The following ZNF561 variants were observed in gnomAD, a reference collection of about 807,000 sequenced individuals.
ZNF561 encodes zinc finger protein 561.
Under a neutral mutation model 16.7 loss-of-function variants are expected in ZNF561, and 16 were observed. The observed-to-expected ratio is 0.96, with a 90% CI of 0.65 to 1.45. The LOEUF is 1.45. ZNF561 is among the 40% of genes most tolerant of loss of function. ZNF561 has a pLI of 0.00. For synonymous variants in ZNF561, 190 were observed against 192.1 expected, an observed-to-expected ratio of 0.99 and a Z score of 0.09; for missense variants, 580 against 578.0, an observed-to-expected ratio of 1.00 and a Z score of -0.04.
At chr19:9,616,768 A>T (rs2074561668) in intron 4 of ZNF561, among the ~76,000 whole-genome samples, 2 of 150,296 alleles carry the variant, frequency 1.3e-5, no homozygotes, top group Admixed American at 6.6e-5. Flanking sequence ...ATTTTTTTGA[A>T]TTTTTTTAGT....
chr19:9,615,752 A>T (rs892677076), intron 4 of ZNF561, among the ~76,000 whole-genome samples: 4 of 88,070 alleles, frequency 4.5e-5, no homozygotes, highest in African/African-American at 1.9e-4. Flanking sequence ...CTAAAAATAC[A>T]AAAAAAAAAA....
chr19:9,617,896 C>T (rs2074586721), intron 3 of ZNF561, 195 bp downstream of exon 3: 3 of 611,844 alleles, frequency 4.9e-6, no homozygotes, highest in Admixed American at 2.2e-5. Flanking sequence ...TACTGAGCTA[C>T]TGGACTGATT....
intron 2 of ZNF561, 194 bp downstream of exon 2, chr19:9,619,238 C>T (rs552358853): frequency 8.6e-5 from 27 of 314,652 alleles, no homozygotes; most frequent in Middle Eastern, 2.0e-3. Context: ...GCCTGGGTGA[C>T]GGAACAAGAT....
rs1204035275 is a variant in ZNF561 at position 9,617,110 on chromosome 19, T to C, written c.176A>G (p.Asp59Gly). 1.2e-6 allele frequency: 2 copies of C among 1,613,840 alleles called. No individual in the cohort carries two copies. Among genetic ancestry groups the C allele is most frequent in the Admixed American group, 3.3e-5 (2 of 59,998 alleles). ...DFTPEEWALL[D>G]TTEKYLYRDV... ...TCTGTAGAGGTATTTCTCAGTTGTGTCCAGTAAAGCCCACTCCTCTGGGGT... is the reference window on the plus strand; with the variant it reads ...TCTGTAGAGGTATTTCTCAGTTGTGCCCAGTAAAGCCCACTCCTCTGGGGT... Residue 59 changes from aspartate to glycine, a missense_variant, in exon 4 of 6, where the codon GAC (aspartate) becomes GGC (glycine). Physicochemically the swap from Asp to Gly is moderately conservative, Grantham distance 94 (BLOSUM62 -1). Transcript: ENST00000302851.
chr19:9,617,838 G>C (rs920206520), intron 3 of ZNF561: 2 of 541,870 alleles, frequency 3.7e-6, no homozygotes, highest in African/African-American at 3.8e-5. Flanking sequence ...ACCCAGCAAT[G>C]TAAGAAAGAT....
intron 4 of ZNF561, 138 bp from the exon 5 acceptor site, chr19:9,614,241 A>C (rs573582940): frequency 4.7e-5 from 47 of 998,906 alleles, no homozygotes; most frequent in Admixed American, 7.7e-5. Context: ...GGTACATCAA[A>C]AATTTGGCTA....
chr19:9,610,304 C>A lies in ZNF561; in HGVS notation c.1357G>T (p.Glu453Ter), dbSNP rs754498100. The change falls in exon 6 of 6, where the codon GAA becomes TAA. Residue 453 changes from glutamate to a stop codon, truncating the protein, a stop_gained. Coordinates refer to ENST00000302851, the MANE Select transcript of ZNF561 (RefSeq NM_152289.3). LOFTEE classifies it low-confidence loss of function (END_TRUNC). ...HTGEKPFVCK[E>*]CGKAFAVSSR... ...GAAACAGCAAATGCTTTCCCACATT[C>A]TTTACATACGAAGGGTTTCTCTCCG... The A allele has an allele frequency of 6.2e-7, 1 of 1,614,128 alleles. No individual in the cohort carries two copies. Among genetic ancestry groups the A allele is most frequent in the Non-Finnish European group, 8.5e-7 (1 of 1,180,006 alleles).
chr19:9,610,899 C>T lies in ZNF561; in HGVS notation c.762G>A (p.Lys254=), dbSNP rs764502131. 4.3e-6 allele frequency: 7 copies of T among 1,614,098 alleles called. No individual in the cohort carries two copies. Among genetic ancestry groups the T allele is most frequent in the Non-Finnish European group, 5.9e-6 (7 of 1,180,012 alleles). ...TGAAGGATTTCCCACATTTCTTAGT[C>T]TTTTTGGATTTCTTTCCTGTATGAA... The part of the protein sequence containing the change: ...VAVHTGKKSK[K]TKKCGKSFTN... The change falls in exon 6 of 6, where the codon AAG becomes AAA. Residue 254 remains lysine, a synonymous_variant. Coordinates refer to ENST00000302851, the MANE Select transcript of ZNF561 (RefSeq NM_152289.3).
chr19:9,611,020 T>C lies in ZNF561; in HGVS notation c.641A>G (p.Asn214Ser), dbSNP rs1214558467. ...CTCATCAGTGTGGATTCCCATATGA[T>C]TATCAAGGCTTGCAAAATACTTAAA... ...KGFKYFASLD[N>S]HMGIHTDEKL... Residue 214 changes from asparagine to serine, a missense_variant, in exon 6 of 6, where the codon AAT (asparagine) becomes AGT (serine). Physicochemically the swap from Asn to Ser is conservative, Grantham distance 46. Transcript: ENST00000302851. 1 of 1,614,158 alleles carries C rather than the reference T, an allele frequency of 6.2e-7. No homozygotes were observed. Among genetic ancestry groups the C allele is most frequent in the Admixed American group, 1.7e-5 (1 of 60,020 alleles).
At chr19:9,615,395 A>G (rs1373742404) in intron 4 of ZNF561, among the ~76,000 whole-genome samples, 1 of 151,530 alleles carries the variant, frequency 6.6e-6, no homozygotes, top group Non-Finnish European at 1.5e-5. Flanking sequence ...TCAGGAGTTT[A>G]AGACCAGCCT....
At position 9,609,236 on chromosome 19, in the gene ZNF561, T is replaced by C. The variant is rs1479787431; in HGVS notation, c.*964A>G. 6.6e-6 allele frequency: 1 copy of C among 152,308 alleles called. No homozygotes were observed. The highest frequency in any genetic ancestry group is 1.9e-4 in the East Asian group (1 of 5,186). 9.4% of individuals were successfully genotyped at this position (152,308 alleles called of 1,614,324 possible). On this transcript the variant is annotated 3_prime_UTR_variant, in exon 6 of 6. Transcript: ENST00000302851. ...ATCACAGGCTTACTGTCAATAAATA[T>C]GTGGGTCAAACTCTGTTCAAGGCTC...
Position 9,611,599 on chromosome 19 carries a change from A to C in ZNF561, c.325-263T>G, listed in dbSNP as rs185869110. 5.3e-5 allele frequency among the ~76,000 whole-genome samples: 8 copies of C among 152,118 alleles called. No homozygotes were observed. The East Asian group carries it at 1.4e-3, about 26-fold the overall frequency. On this transcript the variant is annotated intron_variant, in intron 5 of 5. Transcript: ENST00000302851. Reference sequence around the variant, plus strand: ...GTAGCTAGGAATACAGGTGTGCACCACTGCACCTGGCTAATTTTTCTGTTT... The same window carrying C: ...GTAGCTAGGAATACAGGTGTGCACCCCTGCACCTGGCTAATTTTTCTGTTT...
intron 2 of ZNF561, 96 bp downstream of exon 2, chr19:9,619,336 G>A (rs528433829): frequency 8.5e-7 from 1 of 1,173,520 alleles, no homozygotes; most frequent in African/African-American, 1.5e-5. Flanking sequence ...AAAAGAACCA[G>A]CTGCATGCCT....
intron 4 of ZNF561, 188 bp from the exon 5 acceptor site, chr19:9,614,291 T>G (rs561945213): frequency 6.5e-6 from 4 of 619,314 alleles, no homozygotes; most frequent in African/African-American, 1.9e-5. Flanking sequence ...TGTGTTTAGA[T>G]AGTTTATTAC....
chr19:9,619,350 C>T, intron 2 of ZNF561, 82 bp downstream of exon 2: 1 of 1,432,526 alleles, frequency 7.0e-7, no homozygotes, highest in Non-Finnish European at 9.6e-7. Context: ...CATGCCTGCT[C>T]AGGCTCAGCT....
chr19:9,610,472 C>T lies in ZNF561; in HGVS notation c.1189G>A (p.Glu397Lys), dbSNP rs1173906447. ...HTGEKPYECV[E>K]CGKTFITSSR... ...GAAGTAATGAAGGTCTTCCCACATTCAACACATTCATAAGGCTTCTCTCCT... is the reference window on the plus strand; with the variant it reads ...GAAGTAATGAAGGTCTTCCCACATTTAACACATTCATAAGGCTTCTCTCCT... The change falls in exon 6 of 6, where the codon GAA becomes AAA. Residue 397 changes from glutamate (E) to lysine (K), a missense_variant. Transcript: ENST00000302851. 1 of 1,612,750 alleles carries T rather than the reference C, an allele frequency of 6.2e-7. No homozygotes were observed. Among genetic ancestry groups the T allele is most frequent in the Admixed American group, 1.7e-5 (1 of 59,930 alleles).
chr19:9,619,919 A>AT (rs2074635753), intron 1 of ZNF561, among the ~76,000 whole-genome samples: 1 of 114,882 alleles, frequency 8.7e-6, no homozygotes, highest in Non-Finnish European at 1.8e-5. Context: ...ATCTATATCT[A>AT]TCCTATCTAT....
Position 9,611,336 on chromosome 19 carries a change from T to C in ZNF561, c.325A>G (p.Thr109Ala). The C allele has an allele frequency of 6.2e-7, 1 of 1,604,012 alleles. No homozygotes were observed. Among genetic ancestry groups the C allele is most frequent in the Non-Finnish European group, 8.5e-7 (1 of 1,173,242 alleles). ...KNQIFSGIQM[T>A]RGYSGWKLCD... ...AGTTTCCATCCACTGTAGCCTCTTG[T>C]CTGTTGATGACGAGATAAAGGTTTT... The change falls in exon 6 of 6, where the codon ACA becomes GCA. Residue 109 changes from threonine to alanine, a missense_variant and splice_region_variant. Thr to Ala is a moderately conservative substitution (Grantham distance 58). Transcript: ENST00000302851.
At chr19:9,612,193 G>T (rs977274241) in intron 5 of ZNF561, among the ~76,000 whole-genome samples, 2 of 152,102 alleles carry the variant, frequency 1.3e-5, no homozygotes, top group African/African-American at 4.8e-5. Context: ...CTCCCAAAGT[G>T]CTGAGATTAC....
Sources: gnomAD v4.1 joint callset for allele counts (sites outside exome capture counted in the v4.1 genomes callset) on GRCh38, gnomAD v4.1.1 for gene constraint, MANE v1.5 for transcripts, NCBI Gene and HGNC (gene_info 2026-07-23, HGNC 2026-07-21) for gene names.